The following MIPOL1 variants were observed in gnomAD, a reference collection of about 807,000 sequenced individuals.
MIPOL1 encodes mirror-image polydactyly 1, also known as mirror-image polydactyly gene 1 protein.
Under a neutral mutation model 60.9 loss-of-function variants are expected in MIPOL1, and 57 were observed. The ratio of observed to expected loss-of-function variants is 0.94; its 90% CI spans 0.76 to 1.17. The LOEUF (loss-of-function observed/expected upper bound fraction) is 1.17, where lower values mean the gene tolerates loss of function less well. Among genes scored for constraint, MIPOL1 ranks in the 50% most tolerant of loss-of-function variants. The pLI, the probability that MIPOL1 is intolerant of heterozygous loss-of-function variation, is 0.00. For missense variants in MIPOL1, 551 were observed against 511.6 expected, an observed-to-expected ratio of 1.08 and a Z score of -0.74; for synonymous variants, 179 against 168.8, an observed-to-expected ratio of 1.06 and a Z score of -0.47.
At chr14:37,308,556 C>T in intron 9 of MIPOL1, 37 bp downstream of exon 9, 1 of 1,383,106 alleles carries the variant, frequency 7.2e-7, no homozygotes, top group Non-Finnish European at 9.5e-7. Context: ...ATATACTTAC[C>T]ATTTTCCTCT....
chr14:37,329,301 TG>T (rs1166486162), intron 9 of MIPOL1, among the ~76,000 whole-genome samples: 2 of 152,166 alleles, frequency 1.3e-5, no homozygotes, highest in African/African-American at 4.8e-5. Flanking sequence ...TCCTGAGAAC[TG>T]TCTGAGGTCT....
chr14:37,463,621 A>T (rs1268752618), intron 11 of MIPOL1, among the ~76,000 whole-genome samples: 1 of 152,186 alleles, frequency 6.6e-6, no homozygotes, highest in Non-Finnish European at 1.5e-5. Context: ...AGATGGATTA[A>T]AGATTTAAAC....
chr14:37,218,666 T>C (rs1422949063), intron 1 of MIPOL1, among the ~76,000 whole-genome samples: 1 of 152,124 alleles, frequency 6.6e-6, no homozygotes, highest in Non-Finnish European at 1.5e-5. Flanking sequence ...CTGTGTGTGA[T>C]GGCTCACACC....
At chr14:37,518,776 G>C (rs2095390490) in intron 12 of MIPOL1, among the ~76,000 whole-genome samples, 1 of 152,070 alleles carries the variant, frequency 6.6e-6, no homozygotes, top group African/African-American at 2.4e-5. Flanking sequence ...CTGGGTCAGG[G>C]AAAATACAGA....
chr14:37,298,032 G>T (rs1005380783), intron 7 of MIPOL1, among the ~76,000 whole-genome samples: 3 of 152,216 alleles, frequency 2.0e-5, no homozygotes, highest in East Asian at 3.9e-4. Flanking sequence ...GAGGCATCAT[G>T]CTACCTGACT....
chr14:37,405,550 T>A (rs1044517631), intron 10 of MIPOL1, among the ~76,000 whole-genome samples: 6 of 152,146 alleles, frequency 3.9e-5, no homozygotes, highest in African/African-American at 1.4e-4. Context: ...AAAGTTGCTT[T>A]TAAATTAGAT....
intron 1 of MIPOL1, among the ~76,000 whole-genome samples, chr14:37,223,461 T>G (rs1045730615): frequency 2.6e-5 from 4 of 152,178 alleles, no homozygotes; most frequent in African/African-American, 9.6e-5. Context: ...AAAACTATAC[T>G]GCCTCTACCA....
chr14:37,373,639 C>T (rs188904612), intron 10 of MIPOL1, among the ~76,000 whole-genome samples: 26 of 151,984 alleles, frequency 1.7e-4, no homozygotes, highest in East Asian at 3.9e-4. Context: ...ATGTGGTGTT[C>T]GGTTTTCTGT....
chr14:37,516,885 AAACTT>A (rs1393857349), intron 12 of MIPOL1, among the ~76,000 whole-genome samples: 4 of 152,316 alleles, frequency 2.6e-5, no homozygotes, highest in African/African-American at 9.6e-5. Flanking sequence ...TATCCAAAAT[AAACTT>A]AAAATACAAG....
chr14:37,267,834 C>T (rs1205445886), intron 4 of MIPOL1, among the ~76,000 whole-genome samples: 1 of 152,108 alleles, frequency 6.6e-6, no homozygotes, highest in Non-Finnish European at 1.5e-5. Flanking sequence ...ACAAGGTAAG[C>T]CCAAACATGC....
intron 1 of MIPOL1, among the ~76,000 whole-genome samples, chr14:37,245,862 AAGTT>A (rs1333674047): frequency 6.6e-6 from 1 of 152,096 alleles, no homozygotes; most frequent in African/African-American, 2.4e-5. Flanking sequence ...AAGCTTCTGA[AAGTT>A]AGTTGTGAAA....
chr14:37,278,402 A>G lies in MIPOL1; in HGVS notation c.494-6916A>G, dbSNP rs374805204. 7 of 151,840 alleles carry G rather than the reference A, an allele frequency of 4.6e-5. No individual in the cohort carries two copies. The East Asian group carries it at 9.6e-4, about 21-fold the overall frequency. 9.4% of individuals were successfully genotyped at this position (151,840 alleles called of 1,614,324 possible). On this transcript the variant is annotated intron_variant, in intron 6 of 12. Transcript: ENST00000684589. The stretch of plus-strand genomic sequence containing the variant: ...CTCATATTTGCAAGAAATGAATTTA[A>G]CATCATTATAAGTCTTCTCCAGATG...
At chr14:37,531,112 C>T (rs931886986) in intron 12 of MIPOL1, among the ~76,000 whole-genome samples, 1 of 152,078 alleles carries the variant, frequency 6.6e-6, no homozygotes, top group Non-Finnish European at 1.5e-5. Flanking sequence ...ACCACCGCGC[C>T]CAGCCAGAAA....
chr14:37,458,668 A>G (rs2153580198), intron 11 of MIPOL1, among the ~76,000 whole-genome samples: 1 of 151,570 alleles, frequency 6.6e-6, no homozygotes, highest in Non-Finnish European at 1.5e-5. Flanking sequence ...AAAAAAAAAT[A>G]CACACACACA....
chr14:37,311,206 A>G (rs541255119), intron 9 of MIPOL1, among the ~76,000 whole-genome samples: 2 of 152,266 alleles, frequency 1.3e-5, no homozygotes, highest in South Asian at 4.1e-4. Context: ...TAGGCAGATG[A>G]TTTTTGCATT....
At position 37,423,545 on chromosome 14, in the gene MIPOL1, A is replaced by G. The variant is rs1408056855; in HGVS notation, c.1031+596A>G. The G allele has an allele frequency of 2.6e-5, 4 of 152,014 alleles. No homozygotes were observed. In the East Asian group the frequency reaches 7.7e-4, roughly 29 times the overall value. 9.4% of individuals were successfully genotyped at this position (152,014 alleles called of 1,614,324 possible). A position where few individuals can be genotyped will look rare whatever the true frequency, so the allele number is the denominator to read the frequency against. On this transcript the variant is annotated intron_variant, in intron 11 of 12. Transcript: ENST00000684589. ...TTCAGGTTTGTATGTGAGAAAGAGAAAAAAGATTTTGTATTGGGTTATGTG... is the reference window on the plus strand; with the variant it reads ...TTCAGGTTTGTATGTGAGAAAGAGAGAAAAGATTTTGTATTGGGTTATGTG...
At chr14:37,499,347 CAT>C in intron 11 of MIPOL1, among the ~76,000 whole-genome samples, 1 of 152,062 alleles carries the variant, frequency 6.6e-6, no homozygotes, top group East Asian at 1.9e-4. Flanking sequence ...AAAATATACA[CAT>C]GTATATATGA....
At chr14:37,504,560 A>G (rs2095257023) in intron 12 of MIPOL1, 1 of 152,228 alleles carries the variant, frequency 6.6e-6, no homozygotes, top group Non-Finnish European at 1.5e-5. Context: ...GAAACCAATG[A>G]GAACAAAGAC....
intron 12 of MIPOL1, among the ~76,000 whole-genome samples, chr14:37,500,657 G>A (rs2095203018): frequency 6.6e-6 from 1 of 152,070 alleles, no homozygotes; most frequent in Non-Finnish European, 1.5e-5. Context: ...AATGATCTTT[G>A]CATTTTTATT....
Sources: allele counts gnomAD v4.1 joint callset (sites outside exome capture counted in the v4.1 genomes callset), GRCh38; gene constraint gnomAD v4.1.1; transcripts MANE v1.5; gene names NCBI Gene and HGNC (gene_info 2026-07-23, HGNC 2026-07-21).